Variants in ANKFN1 observed in about 807,000 individuals in gnomAD.
ANKFN1 encodes the protein ankyrin repeat and fibronectin type III domain containing 1, also known as ankyrin repeat and fibronectin type-III domain-containing protein 1.
In ANKFN1, 74 loss-of-function variants were observed where a neutral mutation model predicts 108.7. That is an observed-to-expected ratio of 0.68 (90% CI 0.56 to 0.83). The LOEUF is 0.83. Among genes scored for constraint, ANKFN1 ranks in the 40% least tolerant of loss-of-function variants. ANKFN1 has a pLI of 0.00. For synonymous variants in ANKFN1, 547 were observed against 516.2 expected (o/e 1.06, Z -0.81); for missense variants, 1,505 against 1,382.3 (o/e 1.09, Z -1.41).
chr17:56,174,444 T>A (rs901617901), intron 1 of ANKFN1: 2 of 980,380 alleles, frequency 2.0e-6, no homozygotes, highest in East Asian at 1.1e-4. Context: ...TTTAGTGAAT[T>A]GCTTGAGGGT....
At chr17:56,392,533 C>T (rs1038111360) in intron 8 of ANKFN1, among the ~76,000 whole-genome samples, 1 of 152,182 alleles carries the variant, frequency 6.6e-6, no homozygotes, top group Non-Finnish European at 1.5e-5. Context: ...GAGTTTCTAA[C>T]CTTTCTGGCT....
At chr17:56,085,205 ATATC>A (rs1399832187) in intron 4 of ANKFN1, among the ~76,000 whole-genome samples, 5 of 128,382 alleles carry the variant, frequency 3.9e-5, no homozygotes, top group East Asian at 2.1e-4. Flanking sequence ...ATATATATAT[ATATC>A]TCCACATCCT....
At chr17:56,438,996 G>A (rs561914523) in intron 8 of ANKFN1, among the ~76,000 whole-genome samples, 13 of 152,276 alleles carry the variant, frequency 8.5e-5, no homozygotes, top group South Asian at 4.1e-4. Flanking sequence ...AACCAAAACC[G>A]GGGGAGGGGA....
At chr17:56,159,014 A>G (rs1238887200) in intron 1 of ANKFN1, among the ~76,000 whole-genome samples, 1 of 134,926 alleles carries the variant, frequency 7.4e-6, no homozygotes, top group African/African-American at 2.8e-5. Flanking sequence ...ATTTACCACC[A>G]TCTAGGAATG....
intron 3 of ANKFN1, among the ~76,000 whole-genome samples, chr17:56,318,654 G>A (rs1185214071): frequency 6.6e-6 from 1 of 152,090 alleles, no homozygotes; most frequent in African/African-American, 2.4e-5. Flanking sequence ...TCATTCCATC[G>A]GGAACATGAA....
chr17:56,189,236 T>A (rs1049884090), intron 1 of ANKFN1, among the ~76,000 whole-genome samples: 18 of 130,416 alleles, frequency 1.4e-4, no homozygotes, highest in African/African-American at 5.5e-4. Context: ...AGTGGCGGGA[T>A]CTCGGCTCAC....
intron 3 of ANKFN1, among the ~76,000 whole-genome samples, chr17:56,275,382 A>T (rs1007341214): frequency 6.6e-6 from 1 of 152,074 alleles, no homozygotes; most frequent in Non-Finnish European, 1.5e-5. Flanking sequence ...ATTTAGATTA[A>T]AATAGAGGTT....
At chr17:56,052,507 T>C (rs1040462999) in intron 4 of ANKFN1, among the ~76,000 whole-genome samples, 3 of 152,132 alleles carry the variant, frequency 2.0e-5, no homozygotes, top group Non-Finnish European at 4.4e-5. Context: ...AAGAAAGACA[T>C]TAGGAGGACT....
intron 4 of ANKFN1, among the ~76,000 whole-genome samples, chr17:56,137,768 T>C (rs116068561): frequency 0.024 from 3,595 of 152,304 alleles, 127 homozygotes; most frequent in African/African-American, 0.082. Flanking sequence ...ATATTTTTCT[T>C]ATATAAATTA....
At chr17:56,173,505 C>G (rs963210880) in intron 1 of ANKFN1, among the ~76,000 whole-genome samples, 2 of 152,136 alleles carry the variant, frequency 1.3e-5, no homozygotes, top group Non-Finnish European at 2.9e-5. Flanking sequence ...ACTTCACTCT[C>G]TCTCCCACAA....
chr17:56,149,752 C>T (rs944873709), upstream of ANKFN1, among the ~76,000 whole-genome samples: 11 of 152,224 alleles, frequency 7.2e-5, no homozygotes, highest in Admixed American at 2.6e-4. Flanking sequence ...AAAACCTGTG[C>T]TGAGCCACAC....
intron 1 of ANKFN1, among the ~76,000 whole-genome samples, chr17:56,179,128 C>T (rs1219376433): frequency 6.6e-6 from 1 of 152,174 alleles, no homozygotes; most frequent in Admixed American, 6.5e-5. Context: ...TCACCCTCCT[C>T]TGCAAATCCA....
chr17:56,094,019 A>T lies in ANKFN1; in HGVS notation c.288+47694A>T, dbSNP rs138801322. On this transcript the variant is annotated intron_variant, in intron 4 of 12. Transcript: ENST00000635860. Reference sequence around the variant, plus strand: ...ATAAAAAGGAGAAATTTGGACAGGTACAGAGGAAGAATCTGTGAACTCACA... The same window carrying T: ...ATAAAAAGGAGAAATTTGGACAGGTTCAGAGGAAGAATCTGTGAACTCACA... 6.5e-4 allele frequency among the ~76,000 whole-genome samples: 98 copies of T among 151,508 alleles called. 1 individual carries two copies. The highest frequency in any genetic ancestry group is 2.3e-3 in the African/African-American group (94 of 41,350).
At chr17:56,417,104 G>A (rs779081370) in intron 8 of ANKFN1, among the ~76,000 whole-genome samples, 2 of 151,736 alleles carry the variant, frequency 1.3e-5, no homozygotes, top group African/African-American at 2.4e-5. Context: ...GTGGTTAATG[G>A]GTACAAAATA....
At chr17:56,479,479 T>C (rs1044984017) in intron 16 of ANKFN1, among the ~76,000 whole-genome samples, 2 of 152,216 alleles carry the variant, frequency 1.3e-5, no homozygotes, top group East Asian at 3.8e-4. Flanking sequence ...TATGCCCAGA[T>C]TGAAGTAGGA....
chr17:56,480,917 G>A (rs2050675256), intron 17 of ANKFN1, 99 bp downstream of exon 17: 1 of 1,278,364 alleles, frequency 7.8e-7, no homozygotes, highest in Non-Finnish European at 1.1e-6. Flanking sequence ...GTGTGTGTGT[G>A]TGTGTAAATT....
At chr17:56,191,848 C>G (rs1176248797) in intron 1 of ANKFN1, among the ~76,000 whole-genome samples, 2 of 149,726 alleles carry the variant, frequency 1.3e-5, no homozygotes, top group Non-Finnish European at 3.0e-5. Context: ...CTTTCAGGTA[C>G]ACCAATCAGA....
chr17:56,458,398 A>G (rs1248255468), intron 14 of ANKFN1, among the ~76,000 whole-genome samples: 1 of 152,128 alleles, frequency 6.6e-6, no homozygotes, highest in Non-Finnish European at 1.5e-5. Flanking sequence ...ATGAAGATGG[A>G]AAAAAGAGAC....
At chr17:56,055,510 C>CTGTGTG (rs150078580) in intron 4 of ANKFN1, among the ~76,000 whole-genome samples, 1 of 111,864 alleles carries the variant, frequency 8.9e-6, no homozygotes, top group East Asian at 2.4e-4. Flanking sequence ...GTATGTATGT[C>CTGTGTG]TGTGTGTGTG....
Sources: gnomAD v4.1 joint callset for allele counts (sites outside exome capture counted in the v4.1 genomes callset) on GRCh38, gnomAD v4.1.1 for gene constraint, MANE v1.5 for transcripts, NCBI Gene and HGNC (gene_info 2026-07-23, HGNC 2026-07-21) for gene names.